WDR55: variants seen among roughly 807,000 people sequenced by gnomAD.
WDR55 encodes WD repeat-containing protein 55.
Under a neutral mutation model 34.0 loss-of-function variants are expected in WDR55, and 31 were observed. That is an observed-to-expected ratio of 0.91 (90% CI 0.69 to 1.23). The LOEUF (loss-of-function observed/expected upper bound fraction) is 1.23, where lower values mean the gene tolerates loss of function less well. WDR55 is among the 50% of genes most tolerant of loss of function. The pLI is 0.00. For synonymous variants in WDR55, 164 were observed against 185.9 expected, an observed-to-expected ratio of 0.88 and a Z score of 0.96; for missense variants, 440 against 494.6, an observed-to-expected ratio of 0.89 and a Z score of 1.05.
chr5:140,668,499 A>T lies in WDR55; in HGVS notation c.377A>T (p.His126Leu). Residue 126 changes from histidine to leucine, a missense_variant, in exon 3 of 7, where the codon CAT becomes CTT. Physicochemically the swap from His to Leu is moderately conservative, Grantham distance 99. Transcript: ENST00000358337. ...CTGGAAAGACGTGTTTCCAAGGCTC[A>T]TGGGTAAGGAGAGCAGCCAATTCTG... The part of the protein sequence containing the change: ...GQLERRVSKA[H>L]GAPINSLLLV... The T allele has an allele frequency of 6.2e-7, 1 of 1,614,122 alleles. No individual in the cohort carries two copies. The highest frequency in any genetic ancestry group is 1.1e-5 in the South Asian group (1 of 91,080).
Position 140,669,065 on chromosome 5 carries a change from C to T in WDR55, c.661-14C>T. 6.2e-7 allele frequency: 1 copy of T among 1,614,124 alleles called. No individual in the cohort carries two copies. Among genetic ancestry groups the T allele is most frequent in the South Asian group, 1.1e-5 (1 of 91,080 alleles). On this transcript the variant is annotated splice_polypyrimidine_tract_variant and intron_variant, in intron 5 of 6. Coordinates refer to ENST00000358337, the MANE Select transcript of WDR55 (RefSeq NM_017706.5). Reference sequence around the variant, plus strand: ...TGAGGCAGCTTCCACATTGTTTTCTCTATTTCCCTGCAGTGGGGGAAGAAG... The same window carrying T: ...TGAGGCAGCTTCCACATTGTTTTCTTTATTTCCCTGCAGTGGGGGAAGAAG...
intron 1 of WDR55, 29 bp downstream of exon 1, chr5:140,665,132 G>C (rs757912285): frequency 2.6e-6 from 4 of 1,541,366 alleles, no homozygotes; most frequent in Non-Finnish European, 3.5e-6. Context: ...CGGGGCGCCG[G>C]GTCTGGAAGC....
At position 140,671,510 on chromosome 5, in the gene WDR55, G is replaced by A. The variant is rs1396220830; in HGVS notation, c.*1856G>A. Reference sequence around the variant, plus strand: ...GTACCAGAAGCGGTGCCAGCCAGCAGGTCCTATGCCCAAACACTTGGTGAG... The same window carrying A: ...GTACCAGAAGCGGTGCCAGCCAGCAAGTCCTATGCCCAAACACTTGGTGAG... On this transcript the variant is annotated 3_prime_UTR_variant, in exon 7 of 7. Transcript: ENST00000358337. 22 of 1,585,602 alleles carry A rather than the reference G, an allele frequency of 1.4e-5. No homozygotes were observed. Among genetic ancestry groups the A allele is most frequent in the Non-Finnish European group, 1.9e-5 (22 of 1,167,750 alleles).
chr5:140,668,382 A>T, intron 2 of WDR55, 33 bp from the exon 3 acceptor site: 1 of 1,614,218 alleles, frequency 6.2e-7, no homozygotes, highest in Non-Finnish European at 8.5e-7. Context: ...GGGAGCAGTG[A>T]GCAGCACCAT....
intron 1 of WDR55, chr5:140,666,603 A>G (rs1051009977): frequency 4.3e-5 from 42 of 985,022 alleles, no homozygotes; most frequent in Non-Finnish European, 4.9e-5. Flanking sequence ...GTTGGTAACC[A>G]TATGTCCATT....
rs1377657085 is a variant in WDR55 at position 140,670,906 on chromosome 5, C to T, written c.*1252C>T. ...TGGAGGCAAAGGGCAGAATTTCTGACCCCTTTGGCTCAGCTGCCCTTCCCC... is the reference window on the plus strand; with the variant it reads ...TGGAGGCAAAGGGCAGAATTTCTGATCCCTTTGGCTCAGCTGCCCTTCCCC... On this transcript the variant is annotated 3_prime_UTR_variant, in exon 7 of 7. Coordinates refer to ENST00000358337, the MANE Select transcript of WDR55 (RefSeq NM_017706.5). 1 of 279,296 alleles carries T rather than the reference C, an allele frequency of 3.6e-6. No individual in the cohort carries two copies. Among genetic ancestry groups the T allele is most frequent in the Non-Finnish European group, 6.9e-6 (1 of 144,832 alleles). The allele number at this position is 279,296 out of a possible 1,614,324, so 17.3% of individuals were successfully genotyped here. A position where few individuals can be genotyped will look rare whatever the true frequency, so the allele number is the denominator to read the frequency against.
intron 5 of WDR55, 34 bp downstream of exon 5, chr5:140,669,024 T>TGC (rs1403457275): frequency 1.9e-6 from 3 of 1,614,074 alleles, no homozygotes; most frequent in Non-Finnish European, 2.5e-6. Context: ...GAGGGGTGTG[T>TGC]GCTGGGGGCT....
chr5:140,671,373 G>C lies in WDR55; in HGVS notation c.*1719G>C. 1.2e-6 allele frequency: 2 copies of C among 1,612,786 alleles called. No homozygotes were observed. Among genetic ancestry groups the C allele is most frequent in the South Asian group, 2.2e-5 (2 of 91,064 alleles). On this transcript the variant is annotated 3_prime_UTR_variant, in exon 7 of 7. Transcript: ENST00000358337. ...CCAGACTCACTGAGTGCCTGCAGCAGCCGTACAGACACAGCATCCTTGGCC... is the reference window on the plus strand; with the variant it reads ...CCAGACTCACTGAGTGCCTGCAGCACCCGTACAGACACAGCATCCTTGGCC...
rs181205480 is a variant in WDR55, at chr5:140,665,185, T to G, written c.191+82T>G. 1,060 of 1,359,922 alleles carry G rather than the reference T, an allele frequency of 7.8e-4. 5 individuals are homozygous for G. The African/African-American group carries it at 0.013, about 17-fold the overall frequency. 84.2% of individuals were successfully genotyped at this position (1,359,922 alleles called of 1,614,324 possible). On this transcript the variant is annotated intron_variant, in intron 1 of 6. Transcript: ENST00000358337. ...GGGAACAGGAGAGATGAGAGAAAGTTGCAGGGAGACAAATTTTGCAAGATT... is the reference window on the plus strand; with the variant it reads ...GGGAACAGGAGAGATGAGAGAAAGTGGCAGGGAGACAAATTTTGCAAGATT...
intron 1 of WDR55, among the ~76,000 whole-genome samples, chr5:140,666,285 T>C (rs1039803499): frequency 6.7e-6 from 1 of 148,796 alleles, no homozygotes; most frequent in Non-Finnish European, 1.5e-5. Context: ...AATCCCAGCT[T>C]CTCGGGAGGC....
At position 140,666,178 on chromosome 5, in the gene WDR55, C is replaced by T. The variant is rs563630655; in HGVS notation, c.191+1075C>T. On this transcript the variant is annotated intron_variant, in intron 1 of 6. Transcript: ENST00000358337. ...TTGGGAGACCAAGGTGGGGTATCACCTGAGGTCAGGAGTTGGAGACCAGCC... is the reference window on the plus strand; with the variant it reads ...TTGGGAGACCAAGGTGGGGTATCACTTGAGGTCAGGAGTTGGAGACCAGCC... 1.6e-3 allele frequency among the ~76,000 whole-genome samples: 251 copies of T among 152,222 alleles called. 1 individual carries two copies. The highest frequency in any genetic ancestry group is 2.8e-3 in the Non-Finnish European group (188 of 68,010).
chr5:140,669,320 T>C lies in WDR55; in HGVS notation c.831-13T>C, dbSNP rs1236944544. 1.2e-6 allele frequency: 2 copies of C among 1,610,684 alleles called. No individual in the cohort carries two copies. Among genetic ancestry groups the C allele is most frequent in the Non-Finnish European group, 1.7e-6 (2 of 1,177,342 alleles). ...AGCTAGCCAGTACTCAACACTGTTC[T>C]TTCCCTGCCCAGGGCTGTGAACATC... On this transcript the variant is annotated splice_polypyrimidine_tract_variant and intron_variant, in intron 6 of 6. Transcript: ENST00000358337.
chr5:140,669,244 A>C lies in WDR55; in HGVS notation c.826A>C (p.Ile276Leu). 6.2e-7 allele frequency: 1 copy of C among 1,613,586 alleles called. No individual in the cohort carries two copies. Among genetic ancestry groups the C allele is most frequent in the South Asian group, 1.1e-5 (1 of 91,064 alleles). ...GTGTACTGGCTCCACTGATGGAGTC[A>C]TCAGGTGAGGGAAGCCTGGACAGCC... ...LLCTGSTDGV[I>L]RAVNILPNRV... The change falls in exon 6 of 7, where the codon ATC becomes CTC. Residue 276 changes from isoleucine to leucine, a missense_variant. Ile to Leu is a conservative substitution (Grantham distance 5). Coordinates refer to ENST00000358337, the MANE Select transcript of WDR55 (RefSeq NM_017706.5).
In WDR55 at chr5:140,669,237, T is replaced by TG. The variant is rs1758005601; in HGVS notation, c.821dup (p.Val275SerfsTer39). 6.2e-7 allele frequency: 1 copy of TG among 1,613,364 alleles called. No homozygotes were observed. Among genetic ancestry groups the TG allele is most frequent in the Non-Finnish European group, 8.5e-7 (1 of 1,179,982 alleles). ...GTCTGCTGTGTACTGGCTCCACTGA[T>TG]GGAGTCATCAGGTGAGGGAAGCCTG... On this transcript the variant is annotated frameshift_variant, in exon 6 of 7. Coordinates refer to ENST00000358337, the MANE Select transcript of WDR55 (RefSeq NM_017706.5). LOFTEE classifies it high-confidence loss of function.
Position 140,671,463 on chromosome 5 carries a change from G to C in WDR55, c.*1809G>C. 6.2e-7 allele frequency: 1 copy of C among 1,608,786 alleles called. No homozygotes were observed. ...CAGATGAGGCCGCTGAAGGGCACCGGATGCCCAGGAATCACCACCTGGTAC... is the reference window on the plus strand; with the variant it reads ...CAGATGAGGCCGCTGAAGGGCACCGCATGCCCAGGAATCACCACCTGGTAC... On this transcript the variant is annotated 3_prime_UTR_variant, in exon 7 of 7. Transcript: ENST00000358337.
In WDR55 at chr5:140,669,592, G is replaced by A. The variant is rs766382281; in HGVS notation, c.1090G>A (p.Glu364Lys). ...CGATGACTTCTTCGCAGGACTGAGG[G>A]AAGAGGGAGAAGACTCCATGGCTCA... is the stretch of plus-strand genomic sequence containing the variant. ...STDDFFAGLR[E>K]EGEDSMAQEE... Residue 364 changes from glutamate to lysine, a missense_variant, in exon 7 of 7, where the codon GAA becomes AAA. Transcript: ENST00000358337. 1.9e-6 allele frequency: 3 copies of A among 1,614,164 alleles called. No homozygotes were observed. Among genetic ancestry groups the A allele is most frequent in the South Asian group, 1.1e-5 (1 of 91,064 alleles).
rs1482311544 is a variant in WDR55 at position 140,668,643 on chromosome 5, G to T, written c.412G>T (p.Glu138Ter). Reference protein sequence around the residue: ...APINSLLLVDENVLATGDDTG... With the variant: ...APINSLLLVD Reference sequence around the variant, plus strand: ...CATCAATAGTCTTCTGCTGGTGGATGAGAATGTTCTGGCCACTGGGGATGA... The same window carrying T: ...CATCAATAGTCTTCTGCTGGTGGATTAGAATGTTCTGGCCACTGGGGATGA... The change falls in exon 4 of 7, where the codon GAG (glutamate) becomes TAG (stop). Residue 138 changes from glutamate to a stop codon, truncating the protein, a stop_gained. Transcript: ENST00000358337. LOFTEE classifies it high-confidence loss of function. The T allele has an allele frequency of 3.1e-6, 5 of 1,613,806 alleles. No homozygotes were observed. In the South Asian group the frequency reaches 5.5e-5, roughly 18 times the overall value.
intron 6 of WDR55, 30 bp from the exon 7 acceptor site, chr5:140,669,302 CA>C: frequency 6.2e-7 from 1 of 1,612,116 alleles, no homozygotes. Flanking sequence ...CCCAGCTAGC[CA>C]GTACTCAACA....
At position 140,668,957 on chromosome 5, in the gene WDR55, G is replaced by A; in HGVS notation, c.627G>A (p.Gln209=). The change falls in exon 5 of 7, where the codon CAG becomes CAA. Residue 209 remains glutamine (Q), a synonymous_variant. Transcript: ENST00000358337. ...RRRFELLSEP[Q]SGDLTSVTLM... ...GGTTTGAGCTGCTCTCAGAACCTCA[G>A]TCTGGGGACCTGACCTCTGTCACTC... 1 of 1,614,236 alleles carries A rather than the reference G, an allele frequency of 6.2e-7. No homozygotes were observed. Among genetic ancestry groups the A allele is most frequent in the Non-Finnish European group, 8.5e-7 (1 of 1,180,052 alleles).
Sources: gnomAD v4.1 joint callset for allele counts (sites outside exome capture counted in the v4.1 genomes callset) on GRCh38, gnomAD v4.1.1 for gene constraint, MANE v1.5 for transcripts, NCBI Gene and HGNC (gene_info 2026-07-23, HGNC 2026-07-21) for gene names.